The following MSRB2 variants were observed in gnomAD, a reference collection of about 807,000 sequenced individuals.
The protein encoded by MSRB2 is methionine-R-sulfoxide reductase B2, mitochondrial.
A neutral mutation model predicts 19.0 loss-of-function variants in MSRB2; 17 were observed. That is an observed-to-expected ratio of 0.89 (90% CI 0.61 to 1.34). The LOEUF is 1.34. Ranked by LOEUF, MSRB2 falls within the 40% of genes most tolerant of loss-of-function variation. The probability of loss-of-function intolerance (pLI) is 0.00; values close to 1 mark genes in which losing one functional copy is unlikely to be tolerated. For missense variants in MSRB2, 208 were observed against 237.6 expected, an observed-to-expected ratio of 0.88 and a Z score of 0.82; for synonymous variants, 107 against 99.7, an observed-to-expected ratio of 1.07 and a Z score of -0.44.
intron 3 of MSRB2, among the ~76,000 whole-genome samples, chr10:23,113,195 T>G (rs866929271): frequency 1.9e-4 from 29 of 152,220 alleles, no homozygotes; most frequent in Admixed American, 7.9e-4. Flanking sequence ...AACTAAGTAG[T>G]TCTTTTAACA....
In MSRB2 at chr10:23,120,831, T is replaced by G; in HGVS notation, c.518T>G (p.Val173Gly). 6.2e-7 allele frequency: 1 copy of G among 1,614,124 alleles called. No homozygotes were observed. The highest frequency in any genetic ancestry group is 8.5e-7 in the Non-Finnish European group (1 of 1,180,016). The stretch of plus-strand genomic sequence containing the variant: ...GGTCAGAGGTTTTGCATCAACAGTG[T>G]GGCTTTGAAGTTCAAACCAAGGAAA... ...PNGQRFCINS[V>G]ALKFKPRKH Residue 173 changes from valine to glycine, a missense_variant, in exon 5 of 5, where the codon GTG becomes GGG. Physicochemically the swap from Val to Gly is moderately radical, Grantham distance 109 (BLOSUM62 -3). Coordinates refer to ENST00000376510, the MANE Select transcript of MSRB2 (RefSeq NM_012228.4).
intron 2 of MSRB2, among the ~76,000 whole-genome samples, chr10:23,107,874 A>T (rs1173711456): frequency 1.3e-5 from 2 of 152,290 alleles, no homozygotes; most frequent in Middle Eastern, 3.4e-3. Flanking sequence ...TTGGAGAGGG[A>T]GGGAAACATC....
At chr10:23,109,835 T>A (rs1840029860) in intron 2 of MSRB2, among the ~76,000 whole-genome samples, 1 of 152,222 alleles carries the variant, frequency 6.6e-6, no homozygotes. Context: ...GTATTTATAT[T>A]CTGTCTTTAA....
intron 4 of MSRB2, among the ~76,000 whole-genome samples, chr10:23,120,052 CCTT>C (rs957045816): frequency 6.6e-6 from 1 of 152,206 alleles, no homozygotes; most frequent in Non-Finnish European, 1.5e-5. Context: ...AGGATCTTCA[CCTT>C]CTTTTGAGCA....
rs1377314085 is a variant in MSRB2, at chr10:23,103,345, C to T, written c.119-799C>T. Among the ~76,000 whole-genome samples, 3 of 152,214 alleles carry T rather than the reference C, an allele frequency of 2.0e-5. No homozygotes were observed. In the East Asian group the frequency reaches 5.8e-4, roughly 29 times the overall value. ...ACTAACCCTTTGGGCCTCTGTTTCT[C>T]ATCTGCAAACTGAAGAGTTGGACAC... is the stretch of plus-strand genomic sequence containing the variant. On this transcript the variant is annotated intron_variant, in intron 1 of 4. Transcript: ENST00000376510.
In MSRB2 at chr10:23,121,033, G is replaced by A. The variant is rs146621827; in HGVS notation, c.*171G>A. 1,374 of 546,166 alleles carry A rather than the reference G, an allele frequency of 2.5e-3. 9 individuals are homozygous for A. Among genetic ancestry groups the A allele is most frequent in the African/African-American group, 0.023 (1,193 of 52,684 alleles). The allele number at this position is 546,166 out of a possible 1,614,324, so 33.8% of individuals were successfully genotyped here. A position where few individuals can be genotyped will look rare whatever the true frequency, so the allele number is the denominator to read the frequency against. ...TTACCTGGAATCAACTTAATCCTGT[G>A]TGTTAGGCTGTTCTTGTGTTGCTAT... On this transcript the variant is annotated 3_prime_UTR_variant, in exon 5 of 5. Coordinates refer to ENST00000376510, the MANE Select transcript of MSRB2 (RefSeq NM_012228.4).
intron 1 of MSRB2, among the ~76,000 whole-genome samples, chr10:23,097,410 G>C (rs7067788): frequency 6.6e-6 from 1 of 152,156 alleles, no homozygotes; most frequent in Non-Finnish European, 1.5e-5. Flanking sequence ...GAACAGATTT[G>C]GTTCCTGATG....
Position 23,110,313 on chromosome 10 carries a change from C to T in MSRB2, c.291C>T (p.Leu97=). The part of the protein sequence containing the change: ...MYHCVCCDSP[L]FSSEKKYCSG... ...ATTGCGTGTGCTGCGACAGTCCACT[C>T]TTCAGGTAAGATAAAGAATTGAGAG... Residue 97 remains leucine, a synonymous_variant, in exon 3 of 5, where the codon CTC becomes CTT. Transcript: ENST00000376510. 2 of 1,613,436 alleles carry T rather than the reference C, an allele frequency of 1.2e-6. No individual in the cohort carries two copies. The highest frequency in any genetic ancestry group is 1.7e-6 in the Non-Finnish European group (2 of 1,179,498).
intron 2 of MSRB2, among the ~76,000 whole-genome samples, chr10:23,104,868 A>G (rs1449540863): frequency 6.6e-6 from 1 of 151,808 alleles, no homozygotes; most frequent in Non-Finnish European, 1.5e-5. Flanking sequence ...CTCTCCACCC[A>G]TTCATTCAGA....
Position 23,118,345 on chromosome 10 carries a change from T to G in MSRB2, c.297-959T>G, listed in dbSNP as rs557949277. On this transcript the variant is annotated intron_variant, in intron 3 of 4. Coordinates refer to ENST00000376510, the MANE Select transcript of MSRB2 (RefSeq NM_012228.4). The stretch of plus-strand genomic sequence containing the variant: ...TCTTAGATTAGTTTTTTGTTTTTTT[T>G]TTTTTTTTTTTGGCTGGGTCTAACA... 5.3e-3 allele frequency among the ~76,000 whole-genome samples: 797 copies of G among 149,214 alleles called. 9 individuals carry two copies. The highest frequency in any genetic ancestry group is 0.018 in the African/African-American group (746 of 40,464).
At position 23,109,319 on chromosome 10, in the gene MSRB2, A is replaced by G. The variant is rs570758550; in HGVS notation, c.220-923A>G. ...AGTCCCAGCATTTTGAGAGGCCAAG[A>G]CATGCAGATCACTTGAGGTCAGGAG... On this transcript the variant is annotated intron_variant, in intron 2 of 4. Transcript: ENST00000376510. Among the ~76,000 whole-genome samples the G allele has an allele frequency of 1.7e-3, 264 of 152,252 alleles. 3 individuals carry two copies. Among genetic ancestry groups the G allele is most frequent in the African/African-American group, 6.2e-3 (259 of 41,556 alleles).
At chr10:23,103,511 AG>A (rs779403304) in intron 1 of MSRB2, among the ~76,000 whole-genome samples, 173 of 152,350 alleles carry the variant, frequency 1.1e-3, no homozygotes, top group Middle Eastern at 3.4e-3. Flanking sequence ...GTAGTAATAT[AG>A]ATGCCAAGGT....
At chr10:23,111,811 TAAATTTAATTTTAATTAATTTA>T (rs1227200133) in intron 3 of MSRB2, among the ~76,000 whole-genome samples, 6 of 148,718 alleles carry the variant, frequency 4.0e-5, no homozygotes, top group African/African-American at 1.2e-4. Flanking sequence ...AATTTAAACT[TAAATTTAATTTTAATTAATTTA>T]AACTTAAATT....
intron 3 of MSRB2, among the ~76,000 whole-genome samples, chr10:23,112,886 A>G (rs1197382542): frequency 6.6e-6 from 1 of 152,192 alleles, no homozygotes; most frequent in Non-Finnish European, 1.5e-5. Context: ...ACCCGGGCGT[A>G]ATGATGTGTT....
At chr10:23,108,968 C>T (rs190381781) in intron 2 of MSRB2, among the ~76,000 whole-genome samples, 4 of 152,344 alleles carry the variant, frequency 2.6e-5, no homozygotes, top group African/African-American at 9.6e-5. Flanking sequence ...TTTTATACAG[C>T]TCACTGCAAA....
At chr10:23,114,188 A>G (rs765437868) in intron 3 of MSRB2, among the ~76,000 whole-genome samples, 2 of 151,998 alleles carry the variant, frequency 1.3e-5, no homozygotes, top group Non-Finnish European at 2.9e-5. Context: ...TGTCTCTACT[A>G]AAAATACAAA....
chr10:23,110,560 C>G (rs377243656), intron 3 of MSRB2, among the ~76,000 whole-genome samples: 2 of 151,718 alleles, frequency 1.3e-5, no homozygotes, highest in South Asian at 2.1e-4. Flanking sequence ...TTCTTCCTTT[C>G]TCTATCCTCA....
intron 4 of MSRB2, 76 bp from the exon 5 acceptor site, chr10:23,120,682 G>C (rs967466567): frequency 1.0e-5 from 11 of 1,101,448 alleles, no homozygotes; most frequent in Admixed American, 2.2e-5. Context: ...GTGATTTTGG[G>C]GGGGTTCGTC....
At chr10:23,119,479 C>A (rs1840157281) in intron 4 of MSRB2, 28 bp downstream of exon 4, 1 of 1,605,562 alleles carries the variant, frequency 6.2e-7, no homozygotes, top group Non-Finnish European at 8.5e-7. Context: ...GTTTTACTTT[C>A]CCTGATGCTG....
Sources: allele counts gnomAD v4.1 joint callset (sites outside exome capture counted in the v4.1 genomes callset), GRCh38; gene constraint gnomAD v4.1.1; transcripts MANE v1.5; gene names NCBI Gene and HGNC (gene_info 2026-07-23, HGNC 2026-07-21).